Variants in NKAIN2 observed in about 807,000 individuals in gnomAD.
The protein encoded by NKAIN2 is sodium/potassium transporting ATPase interacting 2.
A neutral mutation model predicts 32.6 loss-of-function variants in NKAIN2; 14 were observed. That is an observed-to-expected ratio of 0.43 (90% CI 0.28 to 0.67). NKAIN2 has a LOEUF of 0.67. Among genes scored for constraint, NKAIN2 ranks in the 30% least tolerant of loss-of-function variants. The probability of loss-of-function intolerance (pLI) is 0.17; values close to 1 mark genes in which losing one functional copy is unlikely to be tolerated. For missense variants in NKAIN2, 198 were observed against 258.3 expected, an observed-to-expected ratio of 0.77 and a Z score of 1.60; for synonymous variants, 80 against 87.2, an observed-to-expected ratio of 0.92 and a Z score of 0.46.
chr6:124,183,287 A>G (rs1381754755), intron 1 of NKAIN2, among the ~76,000 whole-genome samples: 2 of 152,116 alleles, frequency 1.3e-5, no homozygotes, highest in African/African-American at 4.8e-5. Flanking sequence ...ACACATGTAT[A>G]TAAATAATGT....
chr6:124,403,739 C>T (rs1210574088), intron 3 of NKAIN2, among the ~76,000 whole-genome samples: 10 of 152,078 alleles, frequency 6.6e-5, no homozygotes, highest in Non-Finnish European at 4.4e-5. Flanking sequence ...AAATTAGTTG[C>T]TCCATGCCAT....
intron 3 of NKAIN2, among the ~76,000 whole-genome samples, chr6:124,466,757 A>G (rs920197307): frequency 6.6e-6 from 1 of 152,062 alleles, no homozygotes; most frequent in Admixed American, 6.6e-5. Context: ...AAAGAAAAAA[A>G]AAAAAAGAAA....
At chr6:124,624,926 C>G (rs1214606042) in intron 3 of NKAIN2, among the ~76,000 whole-genome samples, 1 of 126,398 alleles carries the variant, frequency 7.9e-6, no homozygotes, top group Non-Finnish European at 1.8e-5. Flanking sequence ...TAAAGTGTCT[C>G]ATTTTTTCTT....
At chr6:124,105,924 G>A (rs1051344071) in intron 1 of NKAIN2, among the ~76,000 whole-genome samples, 3 of 152,138 alleles carry the variant, frequency 2.0e-5, no homozygotes, top group African/African-American at 7.2e-5. Flanking sequence ...GTAACCTTAT[G>A]AGGAAGGTGC....
At position 124,204,985 on chromosome 6, in the gene NKAIN2, CAA is replaced by C. The variant is rs5879719; in HGVS notation, c.55-78011_55-78010del. ...CTTATCCTCTGCATCTAAAAAAAAGCAAAAAAAAAAGCCTATATATCAAATTT... is the reference window on the plus strand; with the variant it reads ...CTTATCCTCTGCATCTAAAAAAAAGCAAAAAAAAGCCTATATATCAAATTT... On this transcript the variant is annotated intron_variant, in intron 1 of 6. Coordinates refer to ENST00000368417, the MANE Select transcript of NKAIN2 (RefSeq NM_001040214.3). Among the ~76,000 whole-genome samples the C allele has an allele frequency of 4.5e-3, 670 of 148,252 alleles. 4 individuals carry two copies. Among genetic ancestry groups the C allele is most frequent in the Middle Eastern group, 6.9e-3 (2 of 290 alleles).
At chr6:124,456,587 T>C (rs1362360606) in intron 3 of NKAIN2, among the ~76,000 whole-genome samples, 2 of 151,960 alleles carry the variant, frequency 1.3e-5, no homozygotes, top group Non-Finnish European at 2.9e-5. Flanking sequence ...TATATTTGCA[T>C]ATGGTTACTG....
chr6:124,474,037 A>G (rs1777082942), intron 3 of NKAIN2, among the ~76,000 whole-genome samples: 1 of 152,138 alleles, frequency 6.6e-6, no homozygotes. Context: ...TACAAAATAC[A>G]GTTGCATATC....
chr6:124,512,435 C>T (rs1778749429), intron 3 of NKAIN2, among the ~76,000 whole-genome samples: 1 of 152,158 alleles, frequency 6.6e-6, no homozygotes, highest in Non-Finnish European at 1.5e-5. Context: ...GACCCATATA[C>T]ATTTATATTG....
At chr6:124,048,323 A>G (rs967542080) in intron 1 of NKAIN2, among the ~76,000 whole-genome samples, 1 of 152,028 alleles carries the variant, frequency 6.6e-6, no homozygotes, top group African/African-American at 2.4e-5. Flanking sequence ...ACAGCACTGA[A>G]GTAATCATTA....
chr6:124,706,513 A>AAAAG (rs1775075432), intron 4 of NKAIN2, among the ~76,000 whole-genome samples: 2 of 152,198 alleles, frequency 1.3e-5, no homozygotes, highest in Non-Finnish European at 2.9e-5. Flanking sequence ...AACAAAAAAA[A>AAAAG]GATTGAATCA....
At chr6:124,804,380 C>T (rs1199492507) in intron 5 of NKAIN2, 1 of 342,404 alleles carries the variant, frequency 2.9e-6, no homozygotes, top group Non-Finnish European at 4.1e-6. Flanking sequence ...GAACCAAAAG[C>T]TTAAAGTGAT....
At position 124,261,108 on chromosome 6, in the gene NKAIN2, G is replaced by A. The variant is rs866297315; in HGVS notation, c.55-21897G>A. Among the ~76,000 whole-genome samples, 10 of 152,232 alleles carry A rather than the reference G, an allele frequency of 6.6e-5. No homozygotes were observed. In the South Asian group the frequency reaches 1.0e-3, roughly 16 times the overall value. On this transcript the variant is annotated intron_variant, in intron 1 of 6. Coordinates refer to ENST00000368417, the MANE Select transcript of NKAIN2 (RefSeq NM_001040214.3). ...GATGGAAAAATAGCATAAAAGATTG[G>A]CTACAGTGATGTGGTTATTCAGGTC... is the stretch of plus-strand genomic sequence containing the variant.
intron 1 of NKAIN2, among the ~76,000 whole-genome samples, chr6:124,132,904 G>C (rs113971774): frequency 0.018 from 2,710 of 152,286 alleles, 66 homozygotes; most frequent in African/African-American, 0.051. Context: ...CTAGGGGAAG[G>C]GGGAGAGCAC....
At chr6:124,326,129 T>C (rs1797400202) in intron 2 of NKAIN2, among the ~76,000 whole-genome samples, 1 of 150,378 alleles carries the variant, frequency 6.6e-6, no homozygotes, top group African/African-American at 2.5e-5. Context: ...TTTATATAAA[T>C]TTTAATTCCT....
At chr6:124,406,386 C>T (rs1305566367) in intron 3 of NKAIN2, among the ~76,000 whole-genome samples, 1 of 151,838 alleles carries the variant, frequency 6.6e-6, no homozygotes, top group Non-Finnish European at 1.5e-5. Context: ...GAGATTTGTC[C>T]ATGTTGCAGC....
intron 3 of NKAIN2, among the ~76,000 whole-genome samples, chr6:124,649,279 G>A (rs747238602): frequency 6.6e-6 from 1 of 152,122 alleles, no homozygotes; most frequent in Non-Finnish European, 1.5e-5. Context: ...TATTATCAAT[G>A]AAAGCAGGAA....
rs1344906193 is a variant in NKAIN2, at chr6:124,824,972, C to T, written c.*1743C>T. On this transcript the variant is annotated 3_prime_UTR_variant, in exon 7 of 7. Transcript: ENST00000368417. Reference sequence around the variant, plus strand: ...ATTCCAGCACTCATGCTTGAATTTCCTCAGTGGGTTGTATGTTTGTCCATA... The same window carrying T: ...ATTCCAGCACTCATGCTTGAATTTCTTCAGTGGGTTGTATGTTTGTCCATA... 1 of 152,550 alleles carries T rather than the reference C, an allele frequency of 6.6e-6. No individual in the cohort carries two copies. Among genetic ancestry groups the T allele is most frequent in the Non-Finnish European group, 1.5e-5 (1 of 68,012 alleles). The allele number at this position is 152,550 out of a possible 1,614,324, so 9.4% of individuals were successfully genotyped here.
rs559680238 is a variant in NKAIN2, at chr6:124,504,328, A to C, written c.273+148981A>C. ...ACCTTATTAAAATTAAACTTTAACA[A>C]CATCTATAAAGTTTCCTTTGTTCTT... On this transcript the variant is annotated intron_variant, in intron 3 of 6. Coordinates refer to ENST00000368417, the MANE Select transcript of NKAIN2 (RefSeq NM_001040214.3). Among the ~76,000 whole-genome samples the C allele has an allele frequency of 9.3e-4, 141 of 152,268 alleles. 1 individual carries two copies. The highest frequency in any genetic ancestry group is 3.3e-3 in the African/African-American group (136 of 41,566).
intron 1 of NKAIN2, among the ~76,000 whole-genome samples, chr6:124,133,408 C>A (rs768075851): frequency 2.0e-5 from 3 of 152,114 alleles, no homozygotes; most frequent in Non-Finnish European, 2.9e-5. Context: ...AGCTCCCACT[C>A]TTCACTCTGA....
Sources: gnomAD v4.1 joint callset for allele counts (sites outside exome capture counted in the v4.1 genomes callset) on GRCh38, gnomAD v4.1.1 for gene constraint, MANE v1.5 for transcripts, NCBI Gene and HGNC (gene_info 2026-07-23, HGNC 2026-07-21) for gene names.